Variants in RCOR1 observed in about 807,000 individuals in gnomAD.
RCOR1 encodes REST corepressor.
Under a neutral mutation model 64.0 loss-of-function variants are expected in RCOR1, and 12 were observed. The ratio of observed to expected loss-of-function variants is 0.19; its 90% CI spans 0.12 to 0.30. RCOR1 has a LOEUF of 0.30. Ranked by LOEUF, RCOR1 falls within the 10% of genes least tolerant of loss-of-function variation. The pLI, the probability that RCOR1 is intolerant of heterozygous loss-of-function variation, is 1.00. For missense variants in RCOR1, 502 were observed against 621.2 expected (o/e 0.81, Z 2.04); for synonymous variants, 279 against 227.2 (o/e 1.23, Z -2.05).
intron 2 of RCOR1, among the ~76,000 whole-genome samples, chr14:102,617,972 CTTTT>C (rs71305077): frequency 2.4e-5 from 3 of 122,522 alleles, no homozygotes; most frequent in Admixed American, 8.4e-5. Flanking sequence ...TTTTTTTTTT[CTTTT>C]TTTTTTTTTT....
chr14:102,657,261 C>T (rs72702760), intron 2 of RCOR1: 58 of 985,292 alleles, frequency 5.9e-5, no homozygotes, highest in Non-Finnish European at 6.7e-5. Flanking sequence ...TTTAGGATTT[C>T]CCACCTGTAT....
chr14:102,604,164 C>G (rs746667673), intron 2 of RCOR1, among the ~76,000 whole-genome samples: 10 of 151,986 alleles, frequency 6.6e-5, no homozygotes, highest in Non-Finnish European at 1.3e-4. Flanking sequence ...CTCATTTTGG[C>G]CTGCTATTAG....
intron 11 of RCOR1, among the ~76,000 whole-genome samples, chr14:102,724,883 A>T (rs1460882506): frequency 6.6e-6 from 1 of 152,128 alleles, no homozygotes; most frequent in African/African-American, 2.4e-5. Context: ...GCTGAGAAAG[A>T]TGTCTGCTGG....
chr14:102,637,539 C>T (rs1190339), intron 2 of RCOR1, among the ~76,000 whole-genome samples: 83,063 of 151,920 alleles, frequency 0.55, 25,148 homozygotes, highest in South Asian at 0.7. Context: ...CAGCCTTGGC[C>T]TCCTGGGCTT....
chr14:102,661,960 T>C (rs1283331576), intron 2 of RCOR1, among the ~76,000 whole-genome samples: 1 of 152,094 alleles, frequency 6.6e-6, no homozygotes, highest in South Asian at 2.1e-4. Flanking sequence ...AGGGTCTCAC[T>C]TTGTTGCCCA....
intron 2 of RCOR1, among the ~76,000 whole-genome samples, chr14:102,619,473 CTTTTTTTTTT>C (rs35488660): frequency 1.7e-3 from 226 of 131,144 alleles, no homozygotes; most frequent in East Asian, 0.011. Context: ...TCTATCTAAT[CTTTTTTTTTT>C]TTTTTTTTTT....
chr14:102,592,968 GCCGCCGCCT>G lies in RCOR1; in HGVS notation c.91_99del (p.Ser31_Ala33del), dbSNP rs998845612. On this transcript the variant is annotated inframe_deletion, in exon 1 of 12. Transcript: ENST00000262241. ...CAACGCGGCCGCCTCCGCCTCCGCC[GCCGCCGCCT>G]CCGCCGCCGCCTCGGCCGCCTGCGC... The G allele has an allele frequency of 3.0e-5, 35 of 1,158,838 alleles. No homozygotes were observed. The highest frequency in any genetic ancestry group is 2.0e-4 in the East Asian group (4 of 20,472). The allele number at this position is 1,158,838 out of a possible 1,614,324, so 71.8% of individuals were successfully genotyped here.
chr14:102,619,104 A>ATCTGTCTGTCTGTCTGTCTG (rs71119723), intron 2 of RCOR1, among the ~76,000 whole-genome samples: 1 of 151,410 alleles, frequency 6.6e-6, no homozygotes, highest in African/African-American at 2.4e-5. Flanking sequence ...TAGCTAAAGG[A>ATCTGTCTGTCTGTCTGTCTG]TCTGTCTGTC....
intron 2 of RCOR1, among the ~76,000 whole-genome samples, chr14:102,601,193 A>G (rs1006605387): frequency 4.0e-5 from 6 of 151,892 alleles, no homozygotes; most frequent in Non-Finnish European, 8.8e-5. Flanking sequence ...TGTCTCAAAA[A>G]AAAAAGACGG....
At chr14:102,597,930 C>T (rs1260844503) in intron 2 of RCOR1, among the ~76,000 whole-genome samples, 1 of 116,386 alleles carries the variant, frequency 8.6e-6, no homozygotes, top group Non-Finnish European at 1.9e-5. Flanking sequence ...TCAAGCAATT[C>T]TCCTGCCTCA....
chr14:102,614,998 A>T (rs1440368258), intron 2 of RCOR1, among the ~76,000 whole-genome samples: 1 of 151,316 alleles, frequency 6.6e-6, no homozygotes, highest in Non-Finnish European at 1.5e-5. Context: ...TGCCCAGCTA[A>T]TTTTTTGTAT....
At chr14:102,687,743 A>G (rs1895449444) in intron 3 of RCOR1, among the ~76,000 whole-genome samples, 3 of 152,210 alleles carry the variant, frequency 2.0e-5, no homozygotes, top group African/African-American at 7.2e-5. Context: ...AGAAGAGTAC[A>G]GTTGACTCAT....
intron 4 of RCOR1, among the ~76,000 whole-genome samples, chr14:102,703,293 T>A (rs1484002716): frequency 6.6e-6 from 1 of 152,204 alleles, no homozygotes; most frequent in Non-Finnish European, 1.5e-5. Flanking sequence ...ACAGAGAGAT[T>A]ACTTGAAGAA....
chr14:102,714,415 T>C lies in RCOR1; in HGVS notation c.859-8T>C, dbSNP rs946852055. 5.7e-6 allele frequency: 9 copies of C among 1,584,506 alleles called. No individual in the cohort carries two copies. Among genetic ancestry groups the C allele is most frequent in the Non-Finnish European group, 7.7e-6 (9 of 1,162,204 alleles). On this transcript the variant is annotated splice_region_variant and splice_polypyrimidine_tract_variant and intron_variant, in intron 7 of 11. Coordinates refer to ENST00000262241, the MANE Select transcript of RCOR1 (RefSeq NM_015156.4). ...AAGTTTCATTCATCACCTGTGTATA[T>C]CATGCAGGTTCCCCCTACTGAGACA...
intron 4 of RCOR1, among the ~76,000 whole-genome samples, chr14:102,704,660 G>C (rs1406085134): frequency 6.6e-6 from 1 of 152,198 alleles, no homozygotes; most frequent in African/African-American, 2.4e-5. Context: ...TCGAACTCCT[G>C]ACCTCGTGAT....
intron 2 of RCOR1, among the ~76,000 whole-genome samples, chr14:102,628,137 G>A (rs937267283): frequency 5.3e-5 from 8 of 152,132 alleles, no homozygotes; most frequent in African/African-American, 1.9e-4. Flanking sequence ...GTGAGACCCA[G>A]AGGAGTTCCC....
intron 2 of RCOR1, among the ~76,000 whole-genome samples, chr14:102,609,240 A>G (rs1783239932): frequency 6.6e-6 from 1 of 150,598 alleles, no homozygotes; most frequent in South Asian, 2.1e-4. Context: ...GAGATGGAGA[A>G]ACATGTTGGC....
At chr14:102,642,692 C>T (rs1034701488) in intron 2 of RCOR1, among the ~76,000 whole-genome samples, 4 of 152,018 alleles carry the variant, frequency 2.6e-5, no homozygotes, top group Non-Finnish European at 5.9e-5. Flanking sequence ...AAAAATAAGC[C>T]GGGTATGGTG....
At chr14:102,725,462 C>G (rs1311000110) in intron 11 of RCOR1, among the ~76,000 whole-genome samples, 2 of 152,130 alleles carry the variant, frequency 1.3e-5, no homozygotes, top group Non-Finnish European at 2.9e-5. Flanking sequence ...CTCCTGTATC[C>G]CAGCTAGAAC....
Sources: allele counts gnomAD v4.1 joint callset (sites outside exome capture counted in the v4.1 genomes callset), GRCh38; gene constraint gnomAD v4.1.1; transcripts MANE v1.5; gene names NCBI Gene and HGNC (gene_info 2026-07-23, HGNC 2026-07-21).